BORA: variants seen among roughly 807,000 people sequenced by gnomAD.
BORA encodes the protein protein aurora borealis.
Under a neutral mutation model 55.8 loss-of-function variants are expected in BORA, and 26 were observed. The observed-to-expected ratio is 0.47, with a 90% confidence interval of 0.34 to 0.65. The LOEUF is 0.65. Ranked by LOEUF, BORA falls within the 30% of genes least tolerant of loss-of-function variation. The probability of loss-of-function intolerance (pLI) is 0.01; values close to 1 mark genes in which losing one functional copy is unlikely to be tolerated. For synonymous variants in BORA, 201 were observed against 216.9 expected (o/e 0.93, Z 0.64); for missense variants, 568 against 671.5 (o/e 0.85, Z 1.70).
At chr13:72,743,426 T>C in intron 5 of BORA, 111 bp from the exon 6 acceptor site, 1 of 625,898 alleles carries the variant, frequency 1.6e-6, no homozygotes, top group Non-Finnish European at 2.5e-6. Context: ...AGATTTTTTT[T>C]AATGTTGCAA....
chr13:72,729,057 C>T lies in BORA; in HGVS notation c.117C>T (p.Leu39=), dbSNP rs776798227. Residue 39 remains leucine (L), a synonymous_variant, in exon 2 of 12, where the codon CTC becomes CTT. Coordinates refer to ENST00000390667, the MANE Select transcript of BORA (RefSeq NM_024808.5). ...SDYSNLHEQT[L]ASPSVFKSTK... is the part of the protein sequence containing the mutation. ...ATTCTAATCTCCATGAACAAACTCT[C>T]GCCAGTCCTTCTGTTTTTAAATCAA... The T allele has an allele frequency of 7.6e-6, 12 of 1,586,010 alleles. No individual in the cohort carries two copies. The South Asian group carries it at 1.2e-4, about 15-fold the overall frequency.
intron 1 of BORA, chr13:72,728,367 G>C: frequency 1.7e-6 from 1 of 600,752 alleles, no homozygotes; most frequent in Non-Finnish European, 3.0e-6. Flanking sequence ...TGGAGGAAAG[G>C]GGACCCCAGG....
intron 5 of BORA, among the ~76,000 whole-genome samples, chr13:72,741,589 T>C (rs930736385): frequency 6.6e-5 from 10 of 152,316 alleles, no homozygotes; most frequent in East Asian, 3.9e-4. Flanking sequence ...CTGGGTTGCA[T>C]AGAAATTTTT....
chr13:72,747,130 T>C lies in BORA; in HGVS notation c.1482+19T>C, dbSNP rs1442755168. On this transcript the variant is annotated intron_variant, in intron 10 of 11. Transcript: ENST00000390667. Reference sequence around the variant, plus strand: ...CATTCAGGTAAGGTATTTAATATTCTATAGCCCCTTCCTCACTGCCTTGGT... The same window carrying C: ...CATTCAGGTAAGGTATTTAATATTCCATAGCCCCTTCCTCACTGCCTTGGT... 1.2e-6 allele frequency: 2 copies of C among 1,606,280 alleles called. No individual in the cohort carries two copies. Among genetic ancestry groups the C allele is most frequent in the Non-Finnish European group, 1.7e-6 (2 of 1,176,208 alleles).
At chr13:72,741,552 T>C (rs1336023060) in intron 5 of BORA, among the ~76,000 whole-genome samples, 2 of 152,364 alleles carry the variant, frequency 1.3e-5, no homozygotes, top group Admixed American at 6.5e-5. Flanking sequence ...TTCTGTCATA[T>C]GTATGTTACT....
intron 10 of BORA, among the ~76,000 whole-genome samples, chr13:72,750,520 C>G (rs1046622968): frequency 6.6e-6 from 1 of 151,998 alleles, no homozygotes; most frequent in African/African-American, 2.4e-5. Flanking sequence ...TGAATTTTTG[C>G]AATCAGACCT....
At chr13:72,740,425 G>A (rs2033011802) in intron 5 of BORA, among the ~76,000 whole-genome samples, 2 of 152,084 alleles carry the variant, frequency 1.3e-5, no homozygotes, top group South Asian at 4.1e-4. Flanking sequence ...CTTGACAGTT[G>A]TGGCCACGTG....
chr13:72,735,022 C>T lies in BORA; in HGVS notation c.306+17C>T. 6.4e-7 allele frequency: 1 copy of T among 1,571,292 alleles called. No individual in the cohort carries two copies. Among genetic ancestry groups the T allele is most frequent in the Non-Finnish European group, 8.7e-7 (1 of 1,142,950 alleles). On this transcript the variant is annotated intron_variant, in intron 4 of 11. Coordinates refer to ENST00000390667, the MANE Select transcript of BORA (RefSeq NM_024808.5). ...ATTGAAGAGGTAACTTAAACTGTTA[C>T]TGATCATTAAATCAGTTAAGGATCA...
At position 72,755,488 on chromosome 13, in the gene BORA, T is replaced by C. The variant is rs2033435360; in HGVS notation, c.*272T>C. 1 of 436,054 alleles carries C rather than the reference T, an allele frequency of 2.3e-6. No homozygotes were observed. Among genetic ancestry groups the C allele is most frequent in the South Asian group, 3.9e-5 (1 of 25,406 alleles). 27.0% of individuals were successfully genotyped at this position (436,054 alleles called of 1,614,324 possible). A position where few individuals can be genotyped will look rare whatever the true frequency, so the allele number is the denominator to read the frequency against. On this transcript the variant is annotated 3_prime_UTR_variant, in exon 12 of 12. Coordinates refer to ENST00000390667, the MANE Select transcript of BORA (RefSeq NM_024808.5). ...GTTTAACAACAAATTGTGACAGAGC[T>C]GAGTGCTCCTATCTTACAGGGTCAA...
chr13:72,735,696 G>T (rs541830977), intron 4 of BORA, among the ~76,000 whole-genome samples: 1 of 152,024 alleles, frequency 6.6e-6, no homozygotes, highest in Non-Finnish European at 1.5e-5. Context: ...TGCAGTCTCC[G>T]CCTCCCAGGT....
At chr13:72,747,643 C>T (rs1396241575) in intron 10 of BORA, among the ~76,000 whole-genome samples, 2 of 152,010 alleles carry the variant, frequency 1.3e-5, no homozygotes, top group Admixed American at 6.5e-5. Flanking sequence ...AAGCAATTCT[C>T]CTGCCTCAGC....
chr13:72,729,134 G>T lies in BORA; in HGVS notation c.153+41G>T, dbSNP rs372593512. The T allele has an allele frequency of 1.0e-5, 14 of 1,398,614 alleles. No homozygotes were observed. The African/African-American group carries it at 1.0e-4, about 10-fold the overall frequency. The allele number at this position is 1,398,614 out of a possible 1,614,324, so 86.6% of individuals were successfully genotyped here. A position where few individuals can be genotyped will look rare whatever the true frequency, so the allele number is the denominator to read the frequency against. On this transcript the variant is annotated intron_variant, in intron 2 of 11. Coordinates refer to ENST00000390667, the MANE Select transcript of BORA (RefSeq NM_024808.5). ...CTAGTGTTTACAACTAATTTTAAATGTAAGTAATTACAAATAATTTTAAAT... is the reference window on the plus strand; with the variant it reads ...CTAGTGTTTACAACTAATTTTAAATTTAAGTAATTACAAATAATTTTAAAT...
rs751286677 is a variant in BORA at position 72,745,938 on chromosome 13, T to A, written c.739-6T>A. ...TACATTTATTTACTATTTAATTTTATTACAGGGGCAGTTTTCTTCTAGCCC... is the reference window on the plus strand; with the variant it reads ...TACATTTATTTACTATTTAATTTTAATACAGGGGCAGTTTTCTTCTAGCCC... On this transcript the variant is annotated splice_polypyrimidine_tract_variant and splice_region_variant and intron_variant, in intron 8 of 11. Transcript: ENST00000390667. The A allele has an allele frequency of 1.8e-5, 29 of 1,600,844 alleles. No homozygotes were observed. The highest frequency in any genetic ancestry group is 1.7e-6 in the Non-Finnish European group (2 of 1,174,942).
At position 72,751,166 on chromosome 13, in the gene BORA, A is replaced by G. The variant is rs573264266; in HGVS notation, c.1483-2524A>G. ...CAGTGCCTGAACACTGTTGGTGGGAATATGAATTAGTACAGCTATTATGGA... is the reference window on the plus strand; with the variant it reads ...CAGTGCCTGAACACTGTTGGTGGGAGTATGAATTAGTACAGCTATTATGGA... On this transcript the variant is annotated intron_variant, in intron 10 of 11. Coordinates refer to ENST00000390667, the MANE Select transcript of BORA (RefSeq NM_024808.5). Among the ~76,000 whole-genome samples the G allele has an allele frequency of 2.6e-5, 4 of 152,274 alleles. No individual in the cohort carries two copies. The East Asian group carries it at 7.7e-4, about 29-fold the overall frequency.
chr13:72,755,103 A>G (rs758256107), intron 11 of BORA, 48 bp from the exon 12 acceptor site: 4 of 1,516,412 alleles, frequency 2.6e-6, no homozygotes, highest in Middle Eastern at 1.7e-4. Context: ...TGCATCCTCC[A>G]GTGGTCCTAC....
chr13:72,736,357 C>T (rs2032927357), intron 4 of BORA, among the ~76,000 whole-genome samples: 1 of 152,072 alleles, frequency 6.6e-6, no homozygotes, highest in African/African-American at 2.4e-5. Flanking sequence ...GTTTCCCCAT[C>T]CCACTTCATG....
chr13:72,738,585 TCA>T (rs2032979093), intron 5 of BORA, among the ~76,000 whole-genome samples: 1 of 152,174 alleles, frequency 6.6e-6, no homozygotes, highest in Non-Finnish European at 1.5e-5. Context: ...ATATTTGTTC[TCA>T]CTGCTCTTTG....
intron 1 of BORA, 79 bp downstream of exon 1, chr13:72,728,086 T>A: frequency 1.3e-6 from 2 of 1,534,642 alleles, no homozygotes; most frequent in Non-Finnish European, 1.8e-6. Context: ...CTGACTTGCC[T>A]GCCCGCTCGC....
In BORA at chr13:72,745,099, G is replaced by A. The variant is rs370292738; in HGVS notation, c.630G>A (p.Ser210=). 9.3e-6 allele frequency: 15 copies of A among 1,613,912 alleles called. No homozygotes were observed. The highest frequency in any genetic ancestry group is 1.0e-5 in the Non-Finnish European group (12 of 1,179,944). ...GNGSISDSLP[S]ASPGSPHSGV... ...GAAGCATCTCCGACTCCTTACCTTC[G>A]GCTTCTCCCGGAAGTCCTCACAGTG... Residue 210 remains serine, a synonymous_variant, in exon 8 of 12, where the codon TCG becomes TCA. Coordinates refer to ENST00000390667, the MANE Select transcript of BORA (RefSeq NM_024808.5).
Sources: allele counts gnomAD v4.1 joint callset (sites outside exome capture counted in the v4.1 genomes callset), GRCh38; gene constraint gnomAD v4.1.1; transcripts MANE v1.5; gene names NCBI Gene and HGNC (gene_info 2026-07-23, HGNC 2026-07-21).